Variants in BIRC6 observed in about 807,000 individuals in gnomAD.
BIRC6 encodes baculoviral IAP repeat containing 6.
A neutral mutation model predicts 503.3 loss-of-function variants in BIRC6; 98 were observed. The observed-to-expected ratio is 0.19, with a 90% CI of 0.17 to 0.23. BIRC6 has a LOEUF of 0.23. Among genes scored for constraint, BIRC6 ranks in the 10% least tolerant of loss-of-function variants. BIRC6 has a pLI of 1.00. For missense variants in BIRC6, 5,360 were observed against 5,806.0 expected (o/e 0.92, Z 2.50); for synonymous variants, 2,240 against 2,078.7 (o/e 1.08, Z -2.11).
At chr2:32,554,100 A>T (rs2058623014) in intron 65 of BIRC6, among the ~76,000 whole-genome samples, 1 of 152,168 alleles carries the variant, frequency 6.6e-6, no homozygotes, top group South Asian at 2.1e-4. Context: ...TGTTAATGTT[A>T]ACAGGCAGAA....
At chr2:32,377,180 TTAC>T (rs1188818475) in intron 1 of BIRC6, among the ~76,000 whole-genome samples, 2 of 151,906 alleles carry the variant, frequency 1.3e-5, no homozygotes, top group African/African-American at 2.4e-5. Context: ...TTTAAACATT[TTAC>T]TACATTTGCT....
rs1274346952 is a variant in BIRC6, at chr2:32,417,256, AATAGCTGGGACTACAGTGC to A, written c.2872+1108_2872+1126del. Among the ~76,000 whole-genome samples the A allele has an allele frequency of 2.0e-5, 3 of 152,096 alleles. No homozygotes were observed. In the East Asian group the frequency reaches 5.8e-4, roughly 29 times the overall value. ...GTAGTCCTCTCGCCTTGGTCTCCTGAATAGCTGGGACTACAGTGCATAGCTGGGACTACGCACTACCATG... is the reference window on the plus strand; with the variant it reads ...GTAGTCCTCTCGCCTTGGTCTCCTGAATAGCTGGGACTACGCACTACCATG... On this transcript the variant is annotated intron_variant, in intron 10 of 73. Transcript: ENST00000421745.
intron 21 of BIRC6, among the ~76,000 whole-genome samples, chr2:32,447,345 C>G (rs2046114809): frequency 6.6e-6 from 1 of 151,402 alleles, no homozygotes. Context: ...AGAAGCGCCC[C>G]TCACCTCCCG....
rs948693236 is a variant in BIRC6, at chr2:32,503,252, C to G, written c.9499+16C>G. 7 of 1,572,138 alleles carry G rather than the reference C, an allele frequency of 4.5e-6. No individual in the cohort carries two copies. Among genetic ancestry groups the G allele is most frequent in the Non-Finnish European group, 8.6e-7 (1 of 1,160,146 alleles). On this transcript the variant is annotated intron_variant, in intron 49 of 73. Coordinates refer to ENST00000421745, the MANE Select transcript of BIRC6 (RefSeq NM_016252.4). ...GCACCCCTCGGTAAGAAAAGTGTTA[C>G]TAAATCTTACTTATGTGAAATTATC...
Position 32,415,976 on chromosome 2 carries a change from T to A in BIRC6, c.2685T>A (p.Ser895=). 1.2e-6 allele frequency: 2 copies of A among 1,613,846 alleles called. No individual in the cohort carries two copies. Among genetic ancestry groups the A allele is most frequent in the South Asian group, 2.2e-5 (2 of 91,080 alleles). The change falls in exon 10 of 74, where the codon TCT becomes TCA. Residue 895 remains serine (S), a synonymous_variant. Transcript: ENST00000421745. ...ATGGTTTTGAGAGAGAAAAAACGTC[T>A]GACATTTCTACTCTTGGACACCTGG... is the stretch of plus-strand genomic sequence containing the variant. ...SKNGFEREKT[S]DISTLGHLVI... is the part of the protein sequence containing the mutation.
chr2:32,544,121 AGGG>A (rs936735388), intron 62 of BIRC6, among the ~76,000 whole-genome samples: 7 of 152,208 alleles, frequency 4.6e-5, no homozygotes, highest in African/African-American at 1.7e-4. Context: ...TTTGCACAAA[AGGG>A]AGCATTGTGA....
intron 10 of BIRC6, among the ~76,000 whole-genome samples, chr2:32,416,620 G>A (rs1574057923): frequency 6.6e-6 from 1 of 151,910 alleles, no homozygotes; most frequent in Non-Finnish European, 1.5e-5. Context: ...AAAATACTTA[G>A]CAAACAATTT....
chr2:32,552,575 T>G (rs1191904756), intron 65 of BIRC6, among the ~76,000 whole-genome samples: 1 of 152,164 alleles, frequency 6.6e-6, no homozygotes, highest in Non-Finnish European at 1.5e-5. Flanking sequence ...AGGACAACCT[T>G]TTTTCCATTA....
intron 57 of BIRC6, chr2:32,523,059 A>T (rs2055905137): frequency 6.6e-6 from 1 of 152,154 alleles, no homozygotes; most frequent in Non-Finnish European, 1.5e-5. Flanking sequence ...GCCCTGCCTG[A>T]TACTCAGTGT....
chr2:32,454,670 G>C (rs975258932), intron 23 of BIRC6, among the ~76,000 whole-genome samples: 1 of 152,152 alleles, frequency 6.6e-6, no homozygotes, highest in Non-Finnish European at 1.5e-5. Context: ...TACCATCTTA[G>C]TCTCCTCAAC....
intron 42 of BIRC6, among the ~76,000 whole-genome samples, chr2:32,489,242 A>G (rs2149308349): frequency 6.6e-6 from 1 of 152,192 alleles, no homozygotes; most frequent in Non-Finnish European, 1.5e-5. Flanking sequence ...AAAAATAAAA[A>G]TGAGAATCTG....
intron 35 of BIRC6, among the ~76,000 whole-genome samples, 152 bp downstream of exon 35, chr2:32,477,735 C>CA (rs35168398): frequency 0.59 from 63,843 of 109,030 alleles, 17,468 homozygotes; most frequent in East Asian, 0.76. Context: ...CCCGTCTCTA[C>CA]AAAAAAAAAA....
At chr2:32,435,643 C>T in intron 14 of BIRC6, 58 bp downstream of exon 14, 2 of 1,468,030 alleles carry the variant, frequency 1.4e-6, no homozygotes, top group Admixed American at 2.8e-5. Flanking sequence ...GATCTGAATG[C>T]AACATGTCGG....
chr2:32,470,169 G>T lies in BIRC6; in HGVS notation c.6349G>T (p.Val2117Phe). The T allele has an allele frequency of 6.6e-7, 1 of 1,525,804 alleles. No homozygotes were observed. The highest frequency in any genetic ancestry group is 8.8e-7 in the Non-Finnish European group (1 of 1,138,722). 94.5% of individuals were successfully genotyped at this position (1,525,804 alleles called of 1,614,324 possible). A position where few individuals can be genotyped will look rare whatever the true frequency, so the allele number is the denominator to read the frequency against. Residue 2117 changes from valine to phenylalanine, a missense_variant and splice_region_variant, in exon 31 of 74, where the codon GTC becomes TTC. By Grantham distance (50) the Val-to-Phe change is conservative. This residue lies in a region of BIRC6 where 2,299 missense variants were observed against 2,267.2 expected (regional missense o/e 1.01). Transcript: ENST00000421745. ...EQLLIFPQDRVFMLLSCIGQR... is the reference protein window; with the variant it reads ...EQLLIFPQDRFFMLLSCIGQR... ...CTTTTTTGTTTGTTTTGTTTTTAGG[G>T]TCTTCATGTTACTTTCCTGCATTGG...
chr2:32,424,761 C>T (rs1446922757), intron 10 of BIRC6, among the ~76,000 whole-genome samples: 1 of 152,140 alleles, frequency 6.6e-6, no homozygotes, highest in Non-Finnish European at 1.5e-5. Context: ...GATCCTCCCA[C>T]CTCGCCCACC....
intron 3 of BIRC6, among the ~76,000 whole-genome samples, chr2:32,384,151 A>T (rs978006524): frequency 6.6e-6 from 1 of 152,198 alleles, no homozygotes; most frequent in Admixed American, 6.5e-5. Context: ...TTTAAAAAAA[A>T]TCTGTGAATG....
intron 13 of BIRC6, among the ~76,000 whole-genome samples, chr2:32,434,661 A>G (rs1335003834): frequency 1.3e-5 from 2 of 152,098 alleles, no homozygotes; most frequent in African/African-American, 2.4e-5. Flanking sequence ...CAGCCTGGGA[A>G]GTATAGCAAG....
Position 32,415,486 on chromosome 2 carries a change from G to T in BIRC6, c.2195G>T (p.Cys732Phe). ...LPKFAEEENL[C>F]IDSITPCADG... is the part of the protein sequence containing the mutation. Reference sequence around the variant, plus strand: ...AAGTTTGCAGAGGAGGAGAATCTTTGTATAGACTCAATAACTCCTTGTGCT... The same window carrying T: ...AAGTTTGCAGAGGAGGAGAATCTTTTTATAGACTCAATAACTCCTTGTGCT... Residue 732 changes from cysteine (C) to phenylalanine (F), a missense_variant, in exon 10 of 74, where the codon TGT becomes TTT. Around this residue, in one of 16 missense-constraint regions of BIRC6, gnomAD observed 700 missense variants for 739.3 expected, o/e 0.95. Transcript: ENST00000421745. 3.1e-6 allele frequency: 5 copies of T among 1,614,012 alleles called. No individual in the cohort carries two copies. The highest frequency in any genetic ancestry group is 4.2e-6 in the Non-Finnish European group (5 of 1,179,902).
In BIRC6 at chr2:32,575,231, C is replaced by T; in HGVS notation, c.13220C>T (p.Ala4407Val). The change falls in exon 66 of 74, where the codon GCC becomes GTC. Residue 4407 changes from alanine to valine, a missense_variant. By Grantham distance (64) the Ala-to-Val change is moderately conservative. This residue lies in a region of BIRC6 where 477 missense variants were observed against 574.4 expected (regional missense o/e 0.83). Transcript: ENST00000421745. ...ELLRAIASCA[A>V]MVPLLLPLST... ...CTTCGGGCCATTGCTTCTTGTGCTG[C>T]CATGGTGCCCCTATTGTTGCCCCTT... is the stretch of plus-strand genomic sequence containing the variant. 6.2e-7 allele frequency: 1 copy of T among 1,614,006 alleles called. No individual in the cohort carries two copies.
Sources: gnomAD v4.1 joint callset for allele counts (sites outside exome capture counted in the v4.1 genomes callset) on GRCh38, gnomAD v4.1.1 for gene constraint, gnomAD v4.1.1 regional missense constraint, MANE v1.5 for transcripts, NCBI Gene and HGNC (gene_info 2026-07-23, HGNC 2026-07-21) for gene names.